TRIM5: variants seen among roughly 807,000 people sequenced by gnomAD.
The protein encoded by TRIM5 is tripartite motif-containing protein 5.
TRIM5 carries 31 observed loss-of-function variants against 35.6 expected under a neutral mutation model. The observed-to-expected ratio is 0.87, with a 90% confidence interval of 0.65 to 1.18. The LOEUF is 1.18. TRIM5 is among the 50% of genes most tolerant of loss of function. The probability of loss-of-function intolerance (pLI) is 0.00; values close to 1 mark genes in which losing one functional copy is unlikely to be tolerated. For synonymous variants in TRIM5, 243 were observed against 215.6 expected (o/e 1.13, Z -1.11); for missense variants, 609 against 591.6 (o/e 1.03, Z -0.31).
At chr11:5,643,851 G>A in the TRIM5 span, 13 of 1,168,160 alleles carry the variant, frequency 1.1e-5, no homozygotes, top group African/African-American at 1.7e-4. Context: ...GGTGTATTTG[G>A]CTTGAGTTAT....
chr11:5,632,364 G>A, the TRIM5 span: 1 of 1,613,986 alleles, frequency 6.2e-7, no homozygotes, highest in Non-Finnish European at 8.5e-7. Context: ...ACGTACAAGA[G>A]GAGGTGACCT....
chr11:5,609,197 G>C, the TRIM5 span, among the ~76,000 whole-genome samples: 2 of 152,012 alleles, frequency 1.3e-5, no homozygotes, highest in South Asian at 4.1e-4. Flanking sequence ...TTGCACACTT[G>C]GTTCCTCCAT....
the TRIM5 span, among the ~76,000 whole-genome samples, chr11:5,614,209 G>A: frequency 6.6e-6 from 1 of 152,164 alleles, no homozygotes; most frequent in African/African-American, 2.4e-5. Context: ...TGTACTTCTT[G>A]TTAATGTAAA....
At chr11:5,632,291 C>G in the TRIM5 span, 6 of 1,613,262 alleles carry the variant, frequency 3.7e-6, no homozygotes, top group Non-Finnish European at 5.1e-6. Flanking sequence ...GAGAGGAGAG[C>G]CTCAGGAGTT....
the TRIM5 span, among the ~76,000 whole-genome samples, chr11:5,653,754 G>A: frequency 6.6e-6 from 1 of 152,078 alleles, no homozygotes; most frequent in Non-Finnish European, 1.5e-5. Context: ...GCCTCCCAAA[G>A]TGTGAGGATT....
At chr11:5,597,678 C>G in the TRIM5 span, among the ~76,000 whole-genome samples, 2 of 152,178 alleles carry the variant, frequency 1.3e-5, no homozygotes, top group Non-Finnish European at 2.9e-5. Flanking sequence ...ACTCTGAACC[C>G]CCAGCCTACA....
chr11:5,604,839 A>C, the TRIM5 span: 2 of 526,548 alleles, frequency 3.8e-6, no homozygotes, highest in Non-Finnish European at 6.5e-6. Context: ...GGAGACAATC[A>C]CATAGCAGAG....
chr11:5,661,837 G>A (rs1850837512), downstream of TRIM5, among the ~76,000 whole-genome samples: 2 of 152,092 alleles, frequency 1.3e-5, no homozygotes, highest in South Asian at 4.1e-4. Flanking sequence ...GCATCTGTTT[G>A]AAAAAATCCT....
intron 5 of TRIM5, 31 bp downstream of exon 5, chr11:5,667,658 A>G (rs2134034785): frequency 6.2e-7 from 1 of 1,612,060 alleles, no homozygotes; most frequent in East Asian, 2.2e-5. Context: ...CTCACTGCAC[A>G]AAAGGACCAT....
At chr11:5,637,930 T>C in the TRIM5 span, among the ~76,000 whole-genome samples, 3 of 152,234 alleles carry the variant, frequency 2.0e-5, no homozygotes, top group Non-Finnish European at 2.9e-5. Flanking sequence ...GTTTCGTCAA[T>C]ATCCATTCCC....
At chr11:5,647,226 T>C in the TRIM5 span, among the ~76,000 whole-genome samples, 3 of 152,150 alleles carry the variant, frequency 2.0e-5, no homozygotes, top group Admixed American at 1.3e-4. Context: ...AAACTAATAG[T>C]GGTCTGAATT....
At chr11:5,649,706 T>C in the TRIM5 span, among the ~76,000 whole-genome samples, 1 of 152,214 alleles carries the variant, frequency 6.6e-6, no homozygotes, top group Admixed American at 6.5e-5. Context: ...GAGCGTAATG[T>C]TGCAGAAGTA....
rs1590219328 is a variant in TRIM5 at position 5,664,138 on chromosome 11, T to C, written c.*671A>G. 5.4e-6 allele frequency: 3 copies of C among 557,972 alleles called. No individual in the cohort carries two copies. The highest frequency in any genetic ancestry group is 6.8e-6 in the Non-Finnish European group (3 of 444,256). The allele number at this position is 557,972 out of a possible 1,614,324, so 34.6% of individuals were successfully genotyped here. On this transcript the variant is annotated 3_prime_UTR_variant, in exon 8 of 8. Transcript: ENST00000380034. ...ATTGCTTGAATCTGAGAGGTGGAGG[T>C]TGCAGTGAACCGAGATCGTGCCATT...
chr11:5,620,238 C>T, the TRIM5 span, among the ~76,000 whole-genome samples: 2 of 120,290 alleles, frequency 1.7e-5, no homozygotes, highest in Admixed American at 1.1e-4. Flanking sequence ...AGTGCGGCGG[C>T]GGGATCTCGG....
At chr11:5,605,517 A>G in the TRIM5 span, 7 of 1,609,562 alleles carry the variant, frequency 4.3e-6, no homozygotes, top group East Asian at 1.6e-4. Flanking sequence ...GCGAGAGCTC[A>G]TCTCGGATCT....
the TRIM5 span, chr11:5,608,485 T>G: frequency 6.3e-7 from 1 of 1,576,630 alleles, no homozygotes; most frequent in Non-Finnish European, 8.6e-7. Flanking sequence ...AGAATCAGAG[T>G]GGGGAAGATT....
chr11:5,646,271 T>C, the TRIM5 span, among the ~76,000 whole-genome samples: 1 of 151,996 alleles, frequency 6.6e-6, no homozygotes, highest in Non-Finnish European at 1.5e-5. Context: ...AAATTCATAA[T>C]ATTGACTATA....
chr11:5,634,019 T>A, the TRIM5 span: 1 of 1,066,778 alleles, frequency 9.4e-7, no homozygotes, highest in Non-Finnish European at 1.3e-6. Flanking sequence ...TGATTAGTTC[T>A]CTTCTCTGTC....
At chr11:5,602,939 G>C in the TRIM5 span, among the ~76,000 whole-genome samples, 1 of 152,150 alleles carries the variant, frequency 6.6e-6, no homozygotes, top group Non-Finnish European at 1.5e-5. Flanking sequence ...GGGTGACAGA[G>C]TGAGTCTCCA....
Sources: allele counts gnomAD v4.1 joint callset (sites outside exome capture counted in the v4.1 genomes callset), GRCh38; gene constraint gnomAD v4.1.1; transcripts MANE v1.5; gene names NCBI Gene and HGNC (gene_info 2026-07-23, HGNC 2026-07-21).